SLC28A1: variants seen among roughly 807,000 people sequenced by gnomAD.
SLC28A1 encodes the protein sodium/nucleoside cotransporter 1.
SLC28A1 carries 64 observed loss-of-function variants against 74.8 expected under a neutral mutation model. The ratio of observed to expected loss-of-function variants is 0.86; its 90% CI spans 0.70 to 1.05. The LOEUF (loss-of-function observed/expected upper bound fraction) is 1.05. SLC28A1 is among the 50% of genes least tolerant of loss of function. The probability of loss-of-function intolerance (pLI) is 0.00; values close to 1 mark genes in which losing one functional copy is unlikely to be tolerated. For missense variants in SLC28A1, 828 were observed against 822.8 expected (o/e 1.01, Z -0.08); for synonymous variants, 359 against 335.0 (o/e 1.07, Z -0.78).
rs905144452 is a variant in SLC28A1, at chr15:84,884,752, G to A, written c.-133+1G>A. 19 of 985,456 alleles carry A rather than the reference G, an allele frequency of 1.9e-5. No homozygotes were observed. The Admixed American group carries it at 3.7e-4, about 19-fold the overall frequency. 61.0% of individuals were successfully genotyped at this position (985,456 alleles called of 1,614,324 possible). Reference sequence around the variant, plus strand: ...CCTCTGGATGCTGACAGAAACAAGGGTGAGAGAAAAGGACAGTAGGAGAGG... The same window carrying A: ...CCTCTGGATGCTGACAGAAACAAGGATGAGAGAAAAGGACAGTAGGAGAGG... On this transcript the variant is annotated splice_donor_variant, in intron 1 of 18. Coordinates refer to ENST00000394573, the MANE Select transcript of SLC28A1 (RefSeq NM_004213.5). LOFTEE classifies it low-confidence loss of function (5UTR_SPLICE).
the SLC28A1 span, among the ~76,000 whole-genome samples, chr15:84,966,452 C>T: frequency 3.3e-5 from 5 of 152,148 alleles, no homozygotes; most frequent in Non-Finnish European, 5.9e-5. Flanking sequence ...ACTGCAGCCT[C>T]GAATTTCTGG....
At position 84,895,123 on chromosome 15, in the gene SLC28A1, G is replaced by A; in HGVS notation, c.461G>A (p.Arg154Lys). Reference sequence around the variant, plus strand: ...CCCCGCCTGCTGCTCTGGTTTAAGAGGTGAGTGAGCTCACAGCCCCGAGGC... The same window carrying A: ...CCCCGCCTGCTGCTCTGGTTTAAGAAGTGAGTGAGCTCACAGCCCCGAGGC... Reference protein sequence around the residue: ...GHPRLLLWFKRGLALAAFLGL... With the variant: ...GHPRLLLWFKKGLALAAFLGL... The change falls in exon 6 of 19, where the codon AGG (arginine) becomes AAG (lysine). Residue 154 changes from arginine (R) to lysine (K), a missense_variant and splice_region_variant. Physicochemically the swap from Arg to Lys is conservative, Grantham distance 26. This residue lies in a region of SLC28A1 where 767 missense variants were observed against 753.5 expected (regional missense o/e 1.02). Transcript: ENST00000394573. 1 of 1,613,852 alleles carries A rather than the reference G, an allele frequency of 6.2e-7. No homozygotes were observed. Among genetic ancestry groups the A allele is most frequent in the South Asian group, 1.1e-5 (1 of 91,084 alleles).
At chr15:84,929,409 T>G (rs1253408956) in intron 12 of SLC28A1, among the ~76,000 whole-genome samples, 4 of 151,888 alleles carry the variant, frequency 2.6e-5, no homozygotes, top group Admixed American at 6.6e-5. Context: ...CCAGGTATGA[T>G]GTCAGGTGCC....
intron 2 of SLC28A1, 88 bp downstream of exon 2, chr15:84,886,875 G>A: frequency 5.0e-6 from 3 of 599,104 alleles, no homozygotes; most frequent in Non-Finnish European, 6.3e-6. Context: ...CTGTGTGTGT[G>A]CACGCACATG....
intron 10 of SLC28A1, among the ~76,000 whole-genome samples, chr15:84,920,703 G>GTGTGTGTGTGTGT (rs113735505): frequency 6.0e-4 from 82 of 137,398 alleles, no homozygotes; most frequent in African/African-American, 1.8e-3. Context: ...ATCTCCAAGG[G>GTGTGTGTGTGTGT]GTGTGTGTGT....
chr15:84,946,106 A>ATTTTT (rs2079211409), downstream of SLC28A1, among the ~76,000 whole-genome samples: 2 of 11,352 alleles, frequency 1.8e-4, no homozygotes, highest in African/African-American at 5.9e-4. Flanking sequence ...ATATATATAT[A>ATTTTT]TATATATTTT....
the SLC28A1 span, among the ~76,000 whole-genome samples, chr15:84,965,351 C>A: frequency 2.0e-5 from 3 of 152,168 alleles, no homozygotes; most frequent in Admixed American, 6.5e-5. Flanking sequence ...TATAAATTAC[C>A]CAGTCTCAAG....
chr15:84,963,864 C>T, the SLC28A1 span, among the ~76,000 whole-genome samples: 12 of 152,326 alleles, frequency 7.9e-5, no homozygotes, highest in Admixed American at 3.3e-4. Flanking sequence ...AGCACAGCGC[C>T]TCCTCTGTCC....
At chr15:84,946,674 G>A (rs139485979), downstream of SLC28A1, among the ~76,000 whole-genome samples, 59 of 152,116 alleles carry the variant, frequency 3.9e-4, no homozygotes, top group Middle Eastern at 3.4e-3. Flanking sequence ...CTCTCTGTTG[G>A]GCTGCTGGTG....
chr15:84,921,073 G>A lies in SLC28A1; in HGVS notation c.957+4G>A. 6.2e-7 allele frequency: 1 copy of A among 1,611,274 alleles called. No homozygotes were observed. The highest frequency in any genetic ancestry group is 8.5e-7 in the Non-Finnish European group (1 of 1,177,498). On this transcript the variant is annotated splice_donor_region_variant and intron_variant, in intron 11 of 18. Coordinates refer to ENST00000394573, the MANE Select transcript of SLC28A1 (RefSeq NM_004213.5). The stretch of plus-strand genomic sequence containing the variant: ...TGGAAACATCTTTGTGAGCCAGGTG[G>A]GTATGGAAGCCTCCTACCCTCATGC...
downstream of SLC28A1, among the ~76,000 whole-genome samples, chr15:84,949,686 C>T (rs1238510312): frequency 1.3e-5 from 2 of 150,852 alleles, no homozygotes; most frequent in African/African-American, 2.4e-5. Flanking sequence ...GCTTGGATTA[C>T]AGGTTTGAGC....
chr15:84,894,224 T>C (rs1965685352), intron 5 of SLC28A1, among the ~76,000 whole-genome samples: 1 of 151,964 alleles, frequency 6.6e-6, no homozygotes, highest in Admixed American at 6.6e-5. Context: ...ATACAAAAAT[T>C]AGCCAGCCAT....
At chr15:84,972,105 ATAATCCAGCCCC>A in the SLC28A1 span, among the ~76,000 whole-genome samples, 2 of 152,194 alleles carry the variant, frequency 1.3e-5, no homozygotes, top group South Asian at 2.1e-4. Context: ...ACCCTACACA[ATAATCCAGCCCC>A]TAATCCAGCC....
intron 1 of SLC28A1, among the ~76,000 whole-genome samples, chr15:84,885,646 G>A (rs868864685): frequency 1.0e-4 from 15 of 149,416 alleles, no homozygotes; most frequent in Middle Eastern, 3.5e-3. Flanking sequence ...CAGGAGAATC[G>A]CTTGAACTTG....
At chr15:84,965,315 T>C in the SLC28A1 span, among the ~76,000 whole-genome samples, 1 of 152,208 alleles carries the variant, frequency 6.6e-6, no homozygotes, top group Non-Finnish European at 1.5e-5. Context: ...CCTGCAGAAC[T>C]GTGAGTCAAT....
the SLC28A1 span, among the ~76,000 whole-genome samples, chr15:84,957,521 C>A: frequency 0.078 from 11,824 of 152,310 alleles, 564 homozygotes; most frequent in Admixed American, 0.1. Flanking sequence ...CCCATCTATG[C>A]CTCCCAAATT....
At position 84,887,816 on chromosome 15, in the gene SLC28A1, A is replaced by G. The variant is rs774777338; in HGVS notation, c.56A>G (p.Lys19Arg). Residue 19 changes from lysine to arginine, a missense_variant, in exon 3 of 19, where the codon AAG (lysine) becomes AGG (arginine). By Grantham distance (26) the Lys-to-Arg change is conservative. Around this residue, in one of 3 missense-constraint regions of SLC28A1, gnomAD observed 767 missense variants for 753.5 expected, o/e 1.02. Transcript: ENST00000394573. ...RESISLTPVA[K>R]GLENMGADFL... ...TCCATCTCTCTCACACCTGTGGCCAAGGGTCTGGAGAACATGGGGGCTGAT... is the reference window on the plus strand; with the variant it reads ...TCCATCTCTCTCACACCTGTGGCCAGGGGTCTGGAGAACATGGGGGCTGAT... The G allele has an allele frequency of 6.8e-6, 11 of 1,614,060 alleles. No individual in the cohort carries two copies. The highest frequency in any genetic ancestry group is 9.3e-6 in the Non-Finnish European group (11 of 1,179,948).
intron 8 of SLC28A1, among the ~76,000 whole-genome samples, chr15:84,905,918 T>C (rs559979356): frequency 1.3e-5 from 2 of 150,848 alleles, no homozygotes; most frequent in Admixed American, 1.3e-4. Flanking sequence ...GAAATTGTAA[T>C]AGTTAAAAGT....
chr15:84,906,807 C>G (rs980430257), intron 8 of SLC28A1, among the ~76,000 whole-genome samples: 1 of 151,942 alleles, frequency 6.6e-6, no homozygotes, highest in East Asian at 1.9e-4. Context: ...CATTTTAACC[C>G]CTTTAAGTAT....
Sources: allele counts gnomAD v4.1 joint callset (sites outside exome capture counted in the v4.1 genomes callset), GRCh38; gene constraint gnomAD v4.1.1; regional missense constraint gnomAD v4.1.1; transcripts MANE v1.5; gene names NCBI Gene and HGNC (gene_info 2026-07-23, HGNC 2026-07-21).